The following IL20RB variants were observed in gnomAD, a reference collection of about 807,000 sequenced individuals.
IL20RB encodes the protein interleukin-20 receptor subunit beta.
IL20RB carries 21 observed loss-of-function variants against 33.3 expected under a neutral mutation model. The ratio of observed to expected loss-of-function variants is 0.63; its 90% CI spans 0.45 to 0.91. The LOEUF (loss-of-function observed/expected upper bound fraction) is 0.91. Ranked by LOEUF, IL20RB falls within the 40% of genes least tolerant of loss-of-function variation. The pLI, the probability that IL20RB is intolerant of heterozygous loss-of-function variation, is 0.00. For missense variants in IL20RB, 345 were observed against 384.8 expected, an observed-to-expected ratio of 0.90 and a Z score of 0.86; for synonymous variants, 147 against 146.8, an observed-to-expected ratio of 1.00 and a Z score of -0.01.
intron 6 of IL20RB, among the ~76,000 whole-genome samples, chr3:137,006,552 G>T (rs1042984745): frequency 3.3e-5 from 5 of 151,546 alleles, no homozygotes; most frequent in Non-Finnish European, 7.4e-5. Flanking sequence ...TCTTCCACTT[G>T]ATCAAATCAT....
intron 3 of IL20RB, chr3:136,986,728 G>A (rs748114346): frequency 8.8e-6 from 4 of 456,860 alleles, no homozygotes; most frequent in Middle Eastern, 6.5e-4. Context: ...ACTTGTGTCC[G>A]GAATTGGTGG....
At chr3:136,993,529 G>A (rs75796217) in intron 5 of IL20RB, among the ~76,000 whole-genome samples, 3 of 151,876 alleles carry the variant, frequency 2.0e-5, no homozygotes, top group East Asian at 1.9e-4. Flanking sequence ...CCATTAACTC[G>A]TCATTTACAT....
At chr3:136,993,475 G>A (rs1942070119) in intron 5 of IL20RB, among the ~76,000 whole-genome samples, 1 of 152,054 alleles carries the variant, frequency 6.6e-6, no homozygotes, top group Non-Finnish European at 1.5e-5. Flanking sequence ...ACAAAGTGCA[G>A]GTTTGTTACA....
chr3:136,972,530 G>T (rs1453380740), intron 1 of IL20RB, among the ~76,000 whole-genome samples: 2 of 152,012 alleles, frequency 1.3e-5, no homozygotes, highest in South Asian at 2.1e-4. Flanking sequence ...TTCAATCTTG[G>T]TAGGTTGTTT....
chr3:136,963,682 T>C (rs1277827170), intron 1 of IL20RB, among the ~76,000 whole-genome samples: 1 of 94,200 alleles, frequency 1.1e-5, no homozygotes, highest in Non-Finnish European at 2.1e-5. Context: ...TAGTTCTTTT[T>C]TTTTTTTTTT....
chr3:136,998,147 T>TC (rs1227867743), intron 6 of IL20RB, among the ~76,000 whole-genome samples: 4 of 125,186 alleles, frequency 3.2e-5, no homozygotes, highest in Non-Finnish European at 6.8e-5. Context: ...TTTTTTTTTT[T>TC]CCCCTCTGTT....
At chr3:136,960,966 A>C (rs756078550) in intron 1 of IL20RB, among the ~76,000 whole-genome samples, 1 of 152,238 alleles carries the variant, frequency 6.6e-6, no homozygotes, top group African/African-American at 2.4e-5. Context: ...TTCAGAGAAG[A>C]GATGCAAAGA....
chr3:137,000,872 T>C (rs922660743), intron 6 of IL20RB, among the ~76,000 whole-genome samples: 1 of 152,230 alleles, frequency 6.6e-6, no homozygotes, highest in African/African-American at 2.4e-5. Context: ...CTCTCTCTTA[T>C]GTTTTCTTTA....
At chr3:136,963,117 G>A (rs981131332) in intron 1 of IL20RB, among the ~76,000 whole-genome samples, 116 of 152,116 alleles carry the variant, frequency 7.6e-4, no homozygotes, top group Non-Finnish European at 1.6e-3. Flanking sequence ...TAACATCAAG[G>A]TATGGGCAGG....
At chr3:136,974,675 A>G (rs1941573951) in intron 1 of IL20RB, among the ~76,000 whole-genome samples, 1 of 152,224 alleles carries the variant, frequency 6.6e-6, no homozygotes, top group Non-Finnish European at 1.5e-5. Flanking sequence ...TGCTAGACAT[A>G]GGATGTTTTA....
chr3:136,969,981 T>C (rs1220039443), intron 1 of IL20RB, among the ~76,000 whole-genome samples: 2 of 152,184 alleles, frequency 1.3e-5, no homozygotes, highest in Non-Finnish European at 2.9e-5. Flanking sequence ...TATTTTACAT[T>C]TTTTTGCACA....
intron 1 of IL20RB, among the ~76,000 whole-genome samples, chr3:136,971,840 G>T (rs1468318355): frequency 6.6e-6 from 1 of 152,064 alleles, no homozygotes; most frequent in African/African-American, 2.4e-5. Context: ...ATTTTCCTTT[G>T]GGTAGATACC....
At chr3:136,995,708 T>C in intron 6 of IL20RB, 152 bp downstream of exon 6, 1 of 786,322 alleles carries the variant, frequency 1.3e-6, no homozygotes, top group East Asian at 2.6e-5. Context: ...AAATACTTCA[T>C]TTCTAACTAG....
chr3:137,009,717 G>T (rs931708317), intron 6 of IL20RB, among the ~76,000 whole-genome samples: 1 of 152,054 alleles, frequency 6.6e-6, no homozygotes, highest in Admixed American at 6.6e-5. Flanking sequence ...TTTATTTTTT[G>T]TGGAGAGGGA....
intron 1 of IL20RB, among the ~76,000 whole-genome samples, chr3:136,979,797 C>A (rs924773645): frequency 2.0e-5 from 3 of 152,192 alleles, no homozygotes; most frequent in Admixed American, 2.0e-4. Flanking sequence ...TCCCACCTGG[C>A]AACTGATGAC....
intron 2 of IL20RB, among the ~76,000 whole-genome samples, chr3:136,981,646 CT>C (rs1192015329): frequency 6.6e-6 from 1 of 152,140 alleles, no homozygotes; most frequent in African/African-American, 2.4e-5. Flanking sequence ...GTCAAAGGTC[CT>C]AAGGCAAAAA....
intron 6 of IL20RB, among the ~76,000 whole-genome samples, chr3:136,996,785 C>G (rs1942138584): frequency 6.6e-6 from 1 of 152,112 alleles, no homozygotes; most frequent in South Asian, 2.1e-4. Context: ...TATCAGTTCC[C>G]CCTCCATCCT....
intron 1 of IL20RB, among the ~76,000 whole-genome samples, chr3:136,976,991 C>T (rs1941634623): frequency 1.3e-5 from 2 of 152,212 alleles, no homozygotes; most frequent in Non-Finnish European, 2.9e-5. Context: ...ACTCTGCCCA[C>T]ATTGAGAAGT....
chr3:136,982,291 C>A lies in IL20RB; in HGVS notation c.347C>A (p.Thr116Lys). 1 of 1,610,390 alleles carries A rather than the reference C, an allele frequency of 6.2e-7. No homozygotes were observed. Among genetic ancestry groups the A allele is most frequent in the Non-Finnish European group, 8.5e-7 (1 of 1,177,130 alleles). Residue 116 changes from threonine to lysine, a missense_variant, in exon 3 of 7, where the codon ACA becomes AAA. Thr to Lys is a moderately conservative substitution (Grantham distance 78, BLOSUM62 -1). Transcript: ENST00000329582. ...TVPYNLRVRA[T>K]LGSQTSAWSI... ...CCATACAACCTTCGTGTCAGGGCCA[C>A]ATTGGGCTCACAGACCTCAGCCTGG...
Sources: allele counts gnomAD v4.1 joint callset (sites outside exome capture counted in the v4.1 genomes callset), GRCh38; gene constraint gnomAD v4.1.1; transcripts MANE v1.5; gene names NCBI Gene and HGNC (gene_info 2026-07-23, HGNC 2026-07-21).